Variants in CRYBG1 observed in about 807,000 individuals in gnomAD.
The protein encoded by CRYBG1 is beta/gamma crystallin domain-containing protein 1.
A neutral mutation model predicts 189.2 loss-of-function variants in CRYBG1; 139 were observed. That is an observed-to-expected ratio of 0.73 (90% CI 0.64 to 0.85). CRYBG1 has a LOEUF of 0.85. Among genes scored for constraint, CRYBG1 ranks in the 40% least tolerant of loss-of-function variants. The probability of loss-of-function intolerance (pLI) is 0.00; values close to 1 mark genes in which losing one functional copy is unlikely to be tolerated. For synonymous variants in CRYBG1, 1,023 were observed against 1,017.1 expected, an observed-to-expected ratio of 1.01 and a Z score of -0.11; for missense variants, 2,611 against 2,675.8, an observed-to-expected ratio of 0.98 and a Z score of 0.53.
chr6:106,459,543 G>A (rs62420838), intron 2 of CRYBG1, among the ~76,000 whole-genome samples: 3 of 130,636 alleles, frequency 2.3e-5, no homozygotes, highest in Non-Finnish European at 4.8e-5. Context: ...GTCCATTTGT[G>A]GGTTTTTTTT....
At chr6:106,486,846 G>GT (rs1252783544) in intron 2 of CRYBG1, among the ~76,000 whole-genome samples, 1 of 151,962 alleles carries the variant, frequency 6.6e-6, no homozygotes. Context: ...GTTGGGTCTT[G>GT]TTTTTTATCC....
chr6:106,532,928 A>G (rs1273106615), intron 8 of CRYBG1, among the ~76,000 whole-genome samples: 1 of 152,236 alleles, frequency 6.6e-6, no homozygotes, highest in Non-Finnish European at 1.5e-5. Flanking sequence ...AAATATATTC[A>G]GTAAATCTGT....
chr6:106,529,641 A>G (rs1174814792), intron 7 of CRYBG1, among the ~76,000 whole-genome samples: 2 of 152,226 alleles, frequency 1.3e-5, no homozygotes, highest in Admixed American at 1.3e-4. Flanking sequence ...ACAATGACCA[A>G]AGTACAGAGA....
intron 2 of CRYBG1, among the ~76,000 whole-genome samples, chr6:106,489,478 A>G (rs900689863): frequency 6.6e-6 from 1 of 152,058 alleles, no homozygotes; most frequent in South Asian, 2.1e-4. Context: ...TTTATATAAT[A>G]TATAGGAAAA....
intron 8 of CRYBG1, among the ~76,000 whole-genome samples, chr6:106,538,753 G>A (rs563570988): frequency 5.3e-5 from 8 of 152,138 alleles, no homozygotes; most frequent in South Asian, 2.1e-4. Flanking sequence ...AAACTTAGTC[G>A]GATGTGGTGG....
chr6:106,436,646 G>A (rs1237126733), intron 1 of CRYBG1, among the ~76,000 whole-genome samples: 1 of 145,586 alleles, frequency 6.9e-6, no homozygotes, highest in Non-Finnish European at 1.5e-5. Context: ...TTGCCCCCAT[G>A]ACTTAAAGGA....
rs144800958 is a variant in CRYBG1 at position 106,544,664 on chromosome 6, T to A, written c.5133T>A (p.Asn1711Lys). ...ACTGGAAAGCCTGGGGAGGTTACAA[T>A]GGAGAGCTTCAGTCTTTACGACCTA... ...YRDWKAWGGYNGELQSLRPIL... is the reference protein window; with the variant it reads ...YRDWKAWGGYKGELQSLRPIL... Residue 1711 changes from asparagine (N) to lysine (K), a missense_variant, in exon 12 of 22, where the codon AAT becomes AAA. Around this residue, in one of 3 missense-constraint regions of CRYBG1, gnomAD observed 1,622 missense variants for 1,735.0 expected, o/e 0.93. Coordinates refer to ENST00000633556, the MANE Select transcript of CRYBG1 (RefSeq NM_001371242.2). The A allele has an allele frequency of 2.5e-4, 399 of 1,614,096 alleles. No individual in the cohort carries two copies. Among genetic ancestry groups the A allele is most frequent in the Middle Eastern group, 3.3e-4 (2 of 6,060 alleles).
At position 106,520,573 on chromosome 6, in the gene CRYBG1, C is replaced by T. The variant is rs754425255; in HGVS notation, c.3365C>T (p.Pro1122Leu). 1.4e-5 allele frequency: 22 copies of T among 1,613,760 alleles called. No homozygotes were observed. Among genetic ancestry groups the T allele is most frequent in the South Asian group, 7.7e-5 (7 of 91,066 alleles). The change falls in exon 4 of 22, where the codon CCC becomes CTC. Residue 1122 changes from proline to leucine, a missense_variant. By Grantham distance (98) the Pro-to-Leu change is moderately conservative. Coordinates refer to ENST00000633556, the MANE Select transcript of CRYBG1 (RefSeq NM_001371242.2). Reference protein sequence around the residue: ...IKQMDSAVCMPMKRKKARMPN... With the variant: ...IKQMDSAVCMLMKRKKARMPN... ...CAGATGGATAGCGCAGTTTGTATGCCCATGAAAAGAAAGAAGGCCAGGATG... is the reference window on the plus strand; with the variant it reads ...CAGATGGATAGCGCAGTTTGTATGCTCATGAAAAGAAAGAAGGCCAGGATG...
chr6:106,440,206 GCACATCCT>G (rs1047465999), intron 1 of CRYBG1, among the ~76,000 whole-genome samples: 2 of 151,320 alleles, frequency 1.3e-5, no homozygotes, highest in Non-Finnish European at 2.9e-5. Flanking sequence ...TTCCTTTAAA[GCACATCCT>G]CACCTTATTT....
intron 1 of CRYBG1, among the ~76,000 whole-genome samples, chr6:106,406,255 A>T (rs962137853): frequency 6.6e-6 from 1 of 152,216 alleles, no homozygotes; most frequent in Non-Finnish European, 1.5e-5. Flanking sequence ...AGCCGAATCG[A>T]TCAAGTGGAA....
At chr6:106,368,805 G>T (rs899907952) in intron 1 of CRYBG1, among the ~76,000 whole-genome samples, 2 of 151,898 alleles carry the variant, frequency 1.3e-5, no homozygotes, top group African/African-American at 4.8e-5. Context: ...CTATAGTGTG[G>T]TTACTGAGAT....
chr6:106,533,779 CAGGTTA>C (rs1173530283), intron 8 of CRYBG1, among the ~76,000 whole-genome samples: 2 of 152,088 alleles, frequency 1.3e-5, no homozygotes, highest in Non-Finnish European at 2.9e-5. Flanking sequence ...CAGTTTTGGA[CAGGTTA>C]AGGCTGAGAT....
intron 2 of CRYBG1, among the ~76,000 whole-genome samples, chr6:106,491,655 C>A (rs1772725501): frequency 6.6e-6 from 1 of 152,058 alleles, no homozygotes; most frequent in African/African-American, 2.4e-5. Context: ...TTCCTCCCTC[C>A]ATTTCCATAT....
At position 106,371,425 on chromosome 6, in the gene CRYBG1, C is replaced by T. The variant is rs556163272; in HGVS notation, c.173+10344C>T. Among the ~76,000 whole-genome samples, 346 of 152,346 alleles carry T rather than the reference C, an allele frequency of 2.3e-3. 3 individuals are homozygous for T. The highest frequency in any genetic ancestry group is 4.6e-3 in the Admixed American group (70 of 15,298). The stretch of plus-strand genomic sequence containing the variant: ...GCTCACCCAGGCCTTGCCAGCCACT[C>T]TTGGCTCTACTGCCTTGCTTCTTTC... On this transcript the variant is annotated intron_variant, in intron 1 of 21. Coordinates refer to ENST00000633556, the MANE Select transcript of CRYBG1 (RefSeq NM_001371242.2).
intron 3 of CRYBG1, among the ~76,000 whole-genome samples, chr6:106,515,067 G>A (rs530736156): frequency 9.9e-5 from 15 of 152,176 alleles, no homozygotes; most frequent in South Asian, 2.1e-4. Context: ...AAACTATTTC[G>A]TATTTCCTGA....
At chr6:106,567,196 T>C (rs570500902) in intron 21 of CRYBG1, among the ~76,000 whole-genome samples, 3 of 152,302 alleles carry the variant, frequency 2.0e-5, no homozygotes, top group Admixed American at 6.5e-5. Context: ...AAAAGAGACA[T>C]TGTGACTTTA....
In CRYBG1 at chr6:106,540,230, T is replaced by A. The variant is rs144877360; in HGVS notation, c.4845+701T>A. 3.4e-3 allele frequency among the ~76,000 whole-genome samples: 516 copies of A among 152,332 alleles called. 3 individuals carry two copies. Among genetic ancestry groups the A allele is most frequent in the African/African-American group, 0.012 (489 of 41,568 alleles). On this transcript the variant is annotated intron_variant, in intron 9 of 21. Coordinates refer to ENST00000633556, the MANE Select transcript of CRYBG1 (RefSeq NM_001371242.2). ...GGGAGGAAGCAGGCCGCATCTGTCTTGTCCCCAGTGTTGAGCGCAGTGTGT... is the reference window on the plus strand; with the variant it reads ...GGGAGGAAGCAGGCCGCATCTGTCTAGTCCCCAGTGTTGAGCGCAGTGTGT...
At chr6:106,526,061 A>G (rs1773732489) in intron 6 of CRYBG1, among the ~76,000 whole-genome samples, 1 of 152,202 alleles carries the variant, frequency 6.6e-6, no homozygotes, top group Admixed American at 6.5e-5. Flanking sequence ...TTGGGTAGAG[A>G]AAGGCAGCTT....
At chr6:106,488,729 GAT>G (rs1425097869) in intron 2 of CRYBG1, among the ~76,000 whole-genome samples, 1 of 152,198 alleles carries the variant, frequency 6.6e-6, no homozygotes, top group Non-Finnish European at 1.5e-5. Context: ...GTCCCTGGGT[GAT>G]AAGGTGCCTC....
Sources: allele counts gnomAD v4.1 joint callset (sites outside exome capture counted in the v4.1 genomes callset), GRCh38; gene constraint gnomAD v4.1.1; regional missense constraint gnomAD v4.1.1; transcripts MANE v1.5; gene names NCBI Gene and HGNC (gene_info 2026-07-23, HGNC 2026-07-21).